FKBP1B: variants seen among roughly 807,000 people sequenced by gnomAD.
FKBP1B encodes the protein FKBP prolyl isomerase 1B.
Under a neutral mutation model 13.5 loss-of-function variants are expected in FKBP1B, and 4 were observed. The ratio of observed to expected loss-of-function variants is 0.30; its 90% CI spans 0.15 to 0.68. FKBP1B has a LOEUF of 0.68. FKBP1B is among the 30% of genes least tolerant of loss of function. The probability of loss-of-function intolerance (pLI) is 0.76; values close to 1 mark genes in which losing one functional copy is unlikely to be tolerated. For synonymous variants in FKBP1B, 54 were observed against 53.6 expected (o/e 1.01, Z -0.03); for missense variants, 93 against 136.2 (o/e 0.68, Z 1.58).
At chr2:24,037,818 C>A in the FKBP1B span, 4 of 1,614,186 alleles carry the variant, frequency 2.5e-6, no homozygotes, top group Non-Finnish European at 3.4e-6. Context: ...TTTCCACTTC[C>A]TTAGACAGCT....
In FKBP1B at chr2:24,050,931, G is replaced by A; in HGVS notation, c.37+1045G>A. 6.6e-6 allele frequency among the ~76,000 whole-genome samples: 1 copy of A among 152,160 alleles called. No homozygotes were observed. The highest frequency in any genetic ancestry group is 1.9e-4 in the East Asian group (1 of 5,194). ...TGGGTCCCAGAAAGCATCTCCCTGAGGCCTTTTCATCCCTCAGCAGCCCCT... is the reference window on the plus strand; with the variant it reads ...TGGGTCCCAGAAAGCATCTCCCTGAAGCCTTTTCATCCCTCAGCAGCCCCT... On this transcript the variant is annotated intron_variant, in intron 1 of 3. Transcript: ENST00000380986. The surrounding 1 kb of genome is among the most constrained non-coding windows in gnomAD (Gnocchi z 5.8).
At chr2:24,056,371 G>A (rs1473248417) in intron 2 of FKBP1B, among the ~76,000 whole-genome samples, 1 of 149,730 alleles carries the variant, frequency 6.7e-6, no homozygotes, top group Non-Finnish European at 1.5e-5. Flanking sequence ...TTGAGACAAG[G>A]TCTCACTCTG....
upstream of FKBP1B, among the ~76,000 whole-genome samples, chr2:24,046,516 C>T (rs1006042590): frequency 1.3e-5 from 2 of 152,092 alleles, no homozygotes; most frequent in Non-Finnish European, 2.9e-5. Context: ...AACTAAGAGC[C>T]GGTGCTCAGT....
the FKBP1B span, chr2:24,038,990 G>A: frequency 2.5e-6 from 4 of 1,614,176 alleles, no homozygotes; most frequent in Non-Finnish European, 3.4e-6. Flanking sequence ...ACCAGCCTCA[G>A]GCCATCCTGG....
the FKBP1B span, among the ~76,000 whole-genome samples, chr2:24,040,507 C>T: frequency 1.1e-4 from 17 of 152,316 alleles, no homozygotes; most frequent in East Asian, 3.1e-3. Context: ...GCTTTTATCC[C>T]TCTATTGAAA....
chr2:24,057,088 A>G lies in FKBP1B; in HGVS notation c.85+3139A>G, dbSNP rs974733378. ...TATCCCAAACATCTTCTCCCACACTATGGCTTGCCTTTTTACTCTCTTAAT... is the reference window on the plus strand; with the variant it reads ...TATCCCAAACATCTTCTCCCACACTGTGGCTTGCCTTTTTACTCTCTTAAT... On this transcript the variant is annotated intron_variant, in intron 2 of 3. Transcript: ENST00000380986. 3.3e-5 allele frequency among the ~76,000 whole-genome samples: 5 copies of G among 152,118 alleles called. No individual in the cohort carries two copies. The South Asian group carries it at 8.3e-4, about 25-fold the overall frequency.
At chr2:24,033,640 C>T in the FKBP1B span, among the ~76,000 whole-genome samples, 1 of 151,936 alleles carries the variant, frequency 6.6e-6, no homozygotes, top group South Asian at 2.1e-4. Context: ...ACTCGGGAGG[C>T]TGAGGTAGGA....
Position 24,061,663 on chromosome 2 carries a change from T to C in FKBP1B, c.198+737T>C, listed in dbSNP as rs528730970. Reference sequence around the variant, plus strand: ...CCTTCTTGCATAACCATAGTACAATTATCAAAACCAGGACATTCACACTGA... The same window carrying C: ...CCTTCTTGCATAACCATAGTACAATCATCAAAACCAGGACATTCACACTGA... On this transcript the variant is annotated intron_variant, in intron 3 of 3. Coordinates refer to ENST00000380986, the MANE Select transcript of FKBP1B (RefSeq NM_004116.5). Among the ~76,000 whole-genome samples, 6 of 152,234 alleles carry C rather than the reference T, an allele frequency of 3.9e-5. No homozygotes were observed. In the South Asian group the frequency reaches 1.2e-3, roughly 31 times the overall value.
the FKBP1B span, chr2:24,038,029 C>A: frequency 1.2e-6 from 2 of 1,614,048 alleles, no homozygotes; most frequent in African/African-American, 1.3e-5. Context: ...TCCAGGCCTT[C>A]CATTCTGACT....
chr2:24,050,011 G>A lies in FKBP1B; in HGVS notation c.37+125G>A. 1.5e-6 allele frequency: 1 copy of A among 665,998 alleles called. No homozygotes were observed. The highest frequency in any genetic ancestry group is 2.2e-6 in the Non-Finnish European group (1 of 463,094). 41.3% of individuals were successfully genotyped at this position (665,998 alleles called of 1,614,324 possible). On this transcript the variant is annotated intron_variant, in intron 1 of 3. Transcript: ENST00000380986. This position sits in a 1 kb window ranked among gnomAD's most constrained non-coding sequence, Gnocchi z 5.8. ...GTCGGGGGGCTGGATGGGGAAGGCA[G>A]GCGGAGACGCCGGACGGGATTCTTG...
chr2:24,062,740 A>G (rs1558350351), intron 3 of FKBP1B, among the ~76,000 whole-genome samples: 3 of 152,192 alleles, frequency 2.0e-5, no homozygotes, highest in African/African-American at 4.8e-5. Flanking sequence ...AAAGAGGCCT[A>G]TTCTTTGGAA....
the FKBP1B span, chr2:24,038,210 TAACA>T: frequency 9.0e-5 from 146 of 1,614,128 alleles, no homozygotes; most frequent in Non-Finnish European, 3.4e-6. Flanking sequence ...ATTATTTCTC[TAACA>T]ATCAAGCTAA....
chr2:24,057,226 C>G (rs993870324), intron 2 of FKBP1B, among the ~76,000 whole-genome samples: 5 of 150,936 alleles, frequency 3.3e-5, no homozygotes, highest in African/African-American at 1.2e-4. Context: ...ACTCTGTTAC[C>G]CAGGCTGGAG....
At chr2:24,036,065 AAAATAAATAAATAAAT>A in the FKBP1B span, among the ~76,000 whole-genome samples, 131 of 140,404 alleles carry the variant, frequency 9.3e-4, no homozygotes, top group Non-Finnish European at 1.5e-3. Context: ...CTCCGTCTCA[AAAATAAATAAATAAAT>A]AAATAAATAA....
chr2:24,058,257 T>C (rs1159209264), intron 2 of FKBP1B, among the ~76,000 whole-genome samples: 2 of 152,114 alleles, frequency 1.3e-5, no homozygotes, highest in South Asian at 2.1e-4. Flanking sequence ...CTATTTGTTA[T>C]CTTGTAGAAG....
the FKBP1B span, chr2:24,039,585 A>AC: frequency 7.3e-7 from 1 of 1,366,586 alleles, no homozygotes; most frequent in Non-Finnish European, 1.0e-6. Context: ...ATTTGGTAAG[A>AC]CAACGGCTTA....
Position 24,055,710 on chromosome 2 carries a change from C to T in FKBP1B, c.85+1761C>T, listed in dbSNP as rs545805942. ...GTTGCAATTTATGTATCCTCTCTAC[C>T]GTTGATGAACATTTGGGTTGTTCAT... is the stretch of plus-strand genomic sequence containing the variant. On this transcript the variant is annotated intron_variant, in intron 2 of 3. Transcript: ENST00000380986. Among the ~76,000 whole-genome samples the T allele has an allele frequency of 3.7e-4, 57 of 152,274 alleles. 1 individual carries two copies. Among genetic ancestry groups the T allele is most frequent in the African/African-American group, 1.2e-3 (48 of 41,542 alleles).
the FKBP1B span, among the ~76,000 whole-genome samples, chr2:24,037,050 C>T: frequency 6.6e-6 from 1 of 152,228 alleles, no homozygotes; most frequent in Non-Finnish European, 1.5e-5. Flanking sequence ...TTCTTTGAGA[C>T]GGAGTCTCGC....
chr2:24,053,973 C>A (rs1164675103), intron 2 of FKBP1B, 24 bp downstream of exon 2: 3 of 1,611,860 alleles, frequency 1.9e-6, no homozygotes, highest in African/African-American at 1.3e-5. Flanking sequence ...CCTCAGCCCC[C>A]ACCCAGTCCT....
Sources: allele counts gnomAD v4.1 joint callset (sites outside exome capture counted in the v4.1 genomes callset), GRCh38; gene constraint gnomAD v4.1.1; non-coding constraint Gnocchi (gnomAD v3.1); transcripts MANE v1.5; gene names NCBI Gene and HGNC (gene_info 2026-07-23, HGNC 2026-07-21).